AVL9: variants seen among roughly 807,000 people sequenced by gnomAD.
AVL9 encodes the protein late secretory pathway protein AVL9 homolog.
Under a neutral mutation model 79.2 loss-of-function variants are expected in AVL9, and 49 were observed. That is an observed-to-expected ratio of 0.62 (90% confidence interval 0.49 to 0.79). The LOEUF is 0.79. Among genes scored for constraint, AVL9 ranks in the 30% least tolerant of loss-of-function variants. AVL9 has a pLI of 0.00. For synonymous variants in AVL9, 299 were observed against 280.6 expected (o/e 1.07, Z -0.65); for missense variants, 682 against 776.8 (o/e 0.88, Z 1.45).
At position 32,584,495 on chromosome 7, in the gene AVL9, C is replaced by G. The variant is rs946504591; in HGVS notation, c.*588C>G. 1 of 154,726 alleles carries G rather than the reference C, an allele frequency of 6.5e-6. No homozygotes were observed. 9.6% of individuals were successfully genotyped at this position (154,726 alleles called of 1,614,324 possible). A position where few individuals can be genotyped will look rare whatever the true frequency, so the allele number is the denominator to read the frequency against. ...TCTGAGGATTGGGTGTTTTGTTTTA[C>G]GTTTTTAGTTTGTTCTTTCCACATC... On this transcript the variant is annotated 3_prime_UTR_variant, in exon 16 of 16. Coordinates refer to ENST00000318709, the MANE Select transcript of AVL9 (RefSeq NM_015060.3).
chr7:32,558,525 T>G (rs1329337012), intron 8 of AVL9, 34 bp from the exon 9 acceptor site: 1 of 1,485,588 alleles, frequency 6.7e-7, no homozygotes, highest in Non-Finnish European at 9.3e-7. Flanking sequence ...GCTTCATGGG[T>G]CTTCTAATTT....
chr7:32,503,406 A>AC (rs1424274246), intron 1 of AVL9, among the ~76,000 whole-genome samples: 1,627 of 145,728 alleles, frequency 0.011, 39 homozygotes, highest in Middle Eastern at 0.049. Flanking sequence ...ACACACACAC[A>AC]AATTAGCCGG....
chr7:32,510,945 G>C (rs992537752), intron 1 of AVL9, among the ~76,000 whole-genome samples: 4 of 144,074 alleles, frequency 2.8e-5, no homozygotes, highest in African/African-American at 1.0e-4. Context: ...TAAGATTTGT[G>C]AGCCGTCAGG....
At chr7:32,500,360 T>C (rs544855579) in intron 1 of AVL9, among the ~76,000 whole-genome samples, 1 of 152,352 alleles carries the variant, frequency 6.6e-6, no homozygotes, top group South Asian at 2.1e-4. Flanking sequence ...CTTTTTTTCA[T>C]ATGTTTATTG....
intron 1 of AVL9, among the ~76,000 whole-genome samples, chr7:32,514,284 G>A (rs751339156): frequency 6.6e-6 from 1 of 152,174 alleles, no homozygotes; most frequent in Non-Finnish European, 1.5e-5. Context: ...TCTTGGGCAG[G>A]GGTCCCTGCG....
At chr7:32,549,495 G>C (rs1341997536) in intron 4 of AVL9, among the ~76,000 whole-genome samples, 2 of 151,706 alleles carry the variant, frequency 1.3e-5, no homozygotes, top group Non-Finnish European at 2.9e-5. Context: ...CCAAAGTGCT[G>C]GGATTGCAGG....
Position 32,544,714 on chromosome 7 carries a change from C to A in AVL9, c.235C>A (p.Pro79Thr). 6.2e-7 allele frequency: 1 copy of A among 1,613,424 alleles called. No homozygotes were observed. The highest frequency in any genetic ancestry group is 8.5e-7 in the Non-Finnish European group (1 of 1,179,668). Reference sequence around the variant, plus strand: ...CTTAGATACTGTGTTTTTTCACTTGCCACCCAGAAATGGAAATGGAGCCAC... The same window carrying A: ...CTTAGATACTGTGTTTTTTCACTTGACACCCAGAAATGGAAATGGAGCCAC... ...YQEDTVFFHL[P>T]PRNGNGATVF... Residue 79 changes from proline (P) to threonine (T), a missense_variant, in exon 3 of 16, where the codon CCA becomes ACA. By Grantham distance (38) the Pro-to-Thr change is conservative (BLOSUM62 -1). Transcript: ENST00000318709.
chr7:32,538,983 T>TG (rs58296000), intron 1 of AVL9: 152,373 of 152,378 alleles, frequency 1, 76,184 homozygotes, highest in Non-Finnish European at 1. Context: ...CCAGGCGCAG[T>TG]GCTCACGCCT....
intron 13 of AVL9, among the ~76,000 whole-genome samples, 188 bp downstream of exon 13, chr7:32,576,260 A>G (rs1791093966): frequency 6.6e-6 from 1 of 152,238 alleles, no homozygotes; most frequent in Non-Finnish European, 1.5e-5. Context: ...TTGTTATACA[A>G]AAAGCATGAG....
chr7:32,558,674 T>G lies in AVL9; in HGVS notation c.679+46T>G, dbSNP rs375530921. 5.5e-6 allele frequency: 8 copies of G among 1,453,570 alleles called. No individual in the cohort carries two copies. In the African/African-American group the frequency reaches 1.1e-4, roughly 21 times the overall value. 90.0% of individuals were successfully genotyped at this position (1,453,570 alleles called of 1,614,324 possible). ...ACTCTTTCTTTTGTTTAACTTGTAC[T>G]GGAACCTAAACTTTTAGAAATAAAG... On this transcript the variant is annotated intron_variant, in intron 9 of 15. Coordinates refer to ENST00000318709, the MANE Select transcript of AVL9 (RefSeq NM_015060.3).
intron 1 of AVL9, among the ~76,000 whole-genome samples, chr7:32,517,920 C>T (rs1434975838): frequency 1.3e-5 from 2 of 152,024 alleles, no homozygotes; most frequent in African/African-American, 4.8e-5. Context: ...CAACCTCTAC[C>T]TACCAGGCTC....
chr7:32,521,236 G>A (rs1788137085), intron 1 of AVL9, among the ~76,000 whole-genome samples: 1 of 152,170 alleles, frequency 6.6e-6, no homozygotes, highest in South Asian at 2.1e-4. Context: ...TTGGAACTGG[G>A]TAACAGGCAG....
chr7:32,548,115 G>A (rs980557302), intron 3 of AVL9, among the ~76,000 whole-genome samples: 4 of 143,940 alleles, frequency 2.8e-5, no homozygotes, highest in African/African-American at 1.0e-4. Flanking sequence ...TTCCATCTCT[G>A]GAGAACAAGC....
chr7:32,499,082 G>T (rs905118988), intron 1 of AVL9, among the ~76,000 whole-genome samples: 4 of 150,460 alleles, frequency 2.7e-5, no homozygotes, highest in African/African-American at 9.8e-5. Context: ...AGATTTGCTT[G>T]AATCTGGGAG....
intron 1 of AVL9, among the ~76,000 whole-genome samples, chr7:32,510,449 G>T (rs534196729): frequency 2.8e-4 from 41 of 146,542 alleles, no homozygotes; most frequent in African/African-American, 8.8e-4. Context: ...AACTGCCCCA[G>T]TATGAGGGAA....
chr7:32,558,853 A>T, intron 9 of AVL9, 76 bp from the exon 10 acceptor site: 1 of 1,271,790 alleles, frequency 7.9e-7, no homozygotes, highest in Non-Finnish European at 1.1e-6. Flanking sequence ...TTTATAGGGG[A>T]GTCTACTAAT....
At position 32,544,698 on chromosome 7, in the gene AVL9, T is replaced by C; in HGVS notation, c.219T>C (p.Thr73=). 6.2e-7 allele frequency: 1 copy of C among 1,611,866 alleles called. No homozygotes were observed. The highest frequency in any genetic ancestry group is 8.5e-7 in the Non-Finnish European group (1 of 1,178,150). ...ATTTTTCTATGTATCTCTTAGATACTGTGTTTTTTCACTTGCCACCCAGAA... is the reference window on the plus strand; with the variant it reads ...ATTTTTCTATGTATCTCTTAGATACCGTGTTTTTTCACTTGCCACCCAGAA... ...PDGAHNYQED[T]VFFHLPPRNG... is the part of the protein sequence containing the mutation. The change falls in exon 3 of 16, where the codon ACT becomes ACC. Residue 73 remains threonine (T), a synonymous_variant. Transcript: ENST00000318709.
rs971515022 is a variant in AVL9, at chr7:32,578,690, TC to T, written c.1689-1526del. Among the ~76,000 whole-genome samples the T allele has an allele frequency of 7.9e-5, 12 of 152,130 alleles. No homozygotes were observed. The South Asian group carries it at 2.3e-3, about 29-fold the overall frequency. On this transcript the variant is annotated intron_variant, in intron 13 of 15. Coordinates refer to ENST00000318709, the MANE Select transcript of AVL9 (RefSeq NM_015060.3). ...CGGGTGTGGTGGTACATGCCTGTAC[TC>T]CCAGCTACTCAGGAGGCTGAGGCAG...
chr7:32,503,373 T>TATACACACACAC (rs1554332720), intron 1 of AVL9, among the ~76,000 whole-genome samples: 3 of 105,798 alleles, frequency 2.8e-5, no homozygotes, highest in Admixed American at 1.2e-4. Context: ...TATATATATA[T>TATACACACACAC]ACACACACAC....
Sources: gnomAD v4.1 joint callset for allele counts (sites outside exome capture counted in the v4.1 genomes callset) on GRCh38, gnomAD v4.1.1 for gene constraint, MANE v1.5 for transcripts, NCBI Gene and HGNC (gene_info 2026-07-23, HGNC 2026-07-21) for gene names.